SNAP47: variants seen among roughly 807,000 people sequenced by gnomAD.
The protein encoded by SNAP47 is synaptosomal-associated protein 47.
SNAP47 carries 20 observed loss-of-function variants against 31.4 expected under a neutral mutation model. The ratio of observed to expected loss-of-function variants is 0.64; its 90% CI spans 0.45 to 0.93. The LOEUF (loss-of-function observed/expected upper bound fraction) is 0.93, where lower values mean the gene tolerates loss of function less well. SNAP47 is among the 40% of genes least tolerant of loss of function. The pLI is 0.00. For missense variants in SNAP47, 492 were observed against 528.5 expected (o/e 0.93, Z 0.68); for synonymous variants, 194 against 213.4 (o/e 0.91, Z 0.79).
chr1:227,779,051 G>A (rs1178651094), intron 4 of SNAP47, among the ~76,000 whole-genome samples: 1 of 152,196 alleles, frequency 6.6e-6, no homozygotes, highest in Non-Finnish European at 1.5e-5. Flanking sequence ...ATCTGCAGAG[G>A]GGCTGGGCAG....
chr1:227,729,105 T>C (rs1660481960), intron 1 of SNAP47, among the ~76,000 whole-genome samples: 1 of 152,170 alleles, frequency 6.6e-6, no homozygotes, highest in Admixed American at 6.5e-5. Flanking sequence ...TCCTCTAGCT[T>C]CAGGACAGGG....
At chr1:227,735,794 C>T (rs1661096903) in intron 1 of SNAP47, 2 of 881,960 alleles carry the variant, frequency 2.3e-6, no homozygotes, top group South Asian at 5.2e-5. Context: ...ATGGTAGGGT[C>T]CTGGAGGAGA....
upstream of SNAP47, chr1:227,732,313 G>A: frequency 6.6e-7 from 1 of 1,516,848 alleles, no homozygotes; most frequent in Non-Finnish European, 9.0e-7. Context: ...TCACAGGGAG[G>A]GCGGTCTTTA....
At chr1:227,751,057 C>T (rs561116347) in intron 2 of SNAP47, among the ~76,000 whole-genome samples, 5 of 152,194 alleles carry the variant, frequency 3.3e-5, no homozygotes, top group Non-Finnish European at 7.3e-5. Flanking sequence ...GTGGGTGACC[C>T]AAAGACTGGC....
At chr1:227,770,560 C>T (rs187268593) in intron 4 of SNAP47, 11 of 154,924 alleles carry the variant, frequency 7.1e-5, no homozygotes, top group Admixed American at 5.9e-4. Context: ...CCTTTTGTTT[C>T]TCTTTTTTAG....
At chr1:227,733,566 C>T (rs751630183), upstream of SNAP47, 79 of 1,606,116 alleles carry the variant, frequency 4.9e-5, no homozygotes, top group African/African-American at 1.2e-4. Context: ...GGCAGGTTGC[C>T]GTGGCGGTCC....
At chr1:227,734,023 C>A, upstream of SNAP47, 1 of 1,613,206 alleles carries the variant, frequency 6.2e-7, no homozygotes, top group Non-Finnish European at 8.5e-7. Context: ...CGTCCTCCAC[C>A]GGAAAGTCCC....
rs1192710929 is a variant in SNAP47, at chr1:227,738,374, C to T, written c.-46+2875C>T. 9.4e-5 allele frequency among the ~76,000 whole-genome samples: 14 copies of T among 148,622 alleles called. 1 individual carries two copies. Among genetic ancestry groups the T allele is most frequent in the African/African-American group, 2.7e-4 (11 of 40,256 alleles). ...CCGTTTTTTATTCCTGGTGTAGAGC[C>T]GGCTTTTCTACATTCCTTCACACAT... On this transcript the variant is annotated intron_variant, in intron 1 of 4. Transcript: ENST00000617596.
upstream of SNAP47, chr1:227,733,738 G>T: frequency 6.3e-7 from 1 of 1,596,922 alleles, no homozygotes; most frequent in East Asian, 2.2e-5. Flanking sequence ...GGCTTTGCTT[G>T]GCACCCCAGA....
Position 227,748,097 on chromosome 1 carries a change from G to A in SNAP47, c.361G>A (p.Glu121Lys), listed in dbSNP as rs1264544698. Residue 121 changes from glutamate to lysine, a missense_variant, in exon 2 of 5, where the codon GAG becomes AAG. Transcript: ENST00000617596. ...ATCTGTCCCAAGGACCCGGGGCGAG[G>A]AGCTGACGGGACTCATGGCTGGATC... ...DASVPRTRGE[E>K]LTGLMAGSQK... The A allele has an allele frequency of 1.2e-6, 2 of 1,614,110 alleles. No individual in the cohort carries two copies. Among genetic ancestry groups the A allele is most frequent in the South Asian group, 1.1e-5 (1 of 91,078 alleles).
intron 4 of SNAP47, among the ~76,000 whole-genome samples, chr1:227,771,466 G>C (rs1187913236): frequency 6.6e-6 from 1 of 151,980 alleles, no homozygotes; most frequent in Non-Finnish European, 1.5e-5. Flanking sequence ...CATGTCCCAG[G>C]GGCGCCCTGG....
chr1:227,764,102 C>T (rs377664998), intron 3 of SNAP47, among the ~76,000 whole-genome samples: 1 of 152,216 alleles, frequency 6.6e-6, no homozygotes, highest in Non-Finnish European at 1.5e-5. Flanking sequence ...TCGAGTCACC[C>T]CACCCTTCTT....
intron 4 of SNAP47, 38 bp downstream of exon 4, chr1:227,767,121 T>G (rs1277875901): frequency 3.7e-6 from 6 of 1,610,404 alleles, no homozygotes; most frequent in Non-Finnish European, 5.1e-6. Context: ...CAGCGCTGTG[T>G]CCCAGTCTTC....
chr1:227,777,141 T>A, intron 4 of SNAP47: 1 of 840,494 alleles, frequency 1.2e-6, no homozygotes, highest in Non-Finnish European at 1.4e-6. Context: ...TTCTTCTTTA[T>A]ATTCTGGGGA....
In SNAP47 at chr1:227,762,405, G is replaced by A. The variant is rs1412425549; in HGVS notation, c.988+2920G>A. Among the ~76,000 whole-genome samples, 1 of 152,202 alleles carries A rather than the reference G, an allele frequency of 6.6e-6. No individual in the cohort carries two copies. Among genetic ancestry groups the A allele is most frequent in the African/African-American group, 2.4e-5 (1 of 41,452 alleles). ...TGATGGGAGCTCAGTAGTCTGTGGGGCACTTGTGGCTCTGAGGCCTTGCCT... is the reference window on the plus strand; with the variant it reads ...TGATGGGAGCTCAGTAGTCTGTGGGACACTTGTGGCTCTGAGGCCTTGCCT... On this transcript the variant is annotated intron_variant, in intron 3 of 4. Coordinates refer to ENST00000617596, the MANE Select transcript of SNAP47 (RefSeq NM_053052.4). The surrounding 1 kb of genome is among the most constrained non-coding windows in gnomAD (Gnocchi z 4.2).
Position 227,780,876 on chromosome 1 carries a change from C to G in SNAP47, c.*203C>G. 1.5e-6 allele frequency: 1 copy of G among 661,080 alleles called. No individual in the cohort carries two copies. The highest frequency in any genetic ancestry group is 1.9e-5 in the South Asian group (1 of 51,868). The allele number at this position is 661,080 out of a possible 1,614,324, so 41.0% of individuals were successfully genotyped here. A position where few individuals can be genotyped will look rare whatever the true frequency, so the allele number is the denominator to read the frequency against. On this transcript the variant is annotated 3_prime_UTR_variant, in exon 5 of 5. Coordinates refer to ENST00000617596, the MANE Select transcript of SNAP47 (RefSeq NM_053052.4). ...GCCTCCCACTTGGCTGTCCCTGCTG[C>G]TGGGCAGGACCCGGCCACATGTTCT...
chr1:227,768,083 C>T (rs1663554327), intron 4 of SNAP47, among the ~76,000 whole-genome samples: 3 of 152,252 alleles, frequency 2.0e-5, no homozygotes, highest in Non-Finnish European at 4.4e-5. Flanking sequence ...TCAGAAAGAA[C>T]CGTACTGCCA....
chr1:227,756,017 C>A (rs1208337741), intron 2 of SNAP47, among the ~76,000 whole-genome samples: 1 of 152,218 alleles, frequency 6.6e-6, no homozygotes, highest in Admixed American at 6.5e-5. Context: ...CCAGACTGAA[C>A]CAATGCATTG....
At chr1:227,733,397 G>A (rs1249442730), upstream of SNAP47, 2 of 1,567,086 alleles carry the variant, frequency 1.3e-6, no homozygotes, top group Middle Eastern at 3.7e-4. Flanking sequence ...TAGGGGGCAG[G>A]AGAAGCAGCA....
Sources: gnomAD v4.1 joint callset for allele counts (sites outside exome capture counted in the v4.1 genomes callset) on GRCh38, gnomAD v4.1.1 for gene constraint, Gnocchi (gnomAD v3.1) non-coding constraint, MANE v1.5 for transcripts, NCBI Gene and HGNC (gene_info 2026-07-23, HGNC 2026-07-21) for gene names.